Variants in GLCCI1 observed in about 807,000 individuals in gnomAD.
GLCCI1 encodes the protein glucocorticoid-induced transcript 1 protein.
A neutral mutation model predicts 52.2 loss-of-function variants in GLCCI1; 24 were observed. The ratio of observed to expected loss-of-function variants is 0.46; its 90% CI spans 0.33 to 0.65. The LOEUF is 0.65. Among genes scored for constraint, GLCCI1 ranks in the 30% least tolerant of loss-of-function variants. The pLI is 0.02. For synonymous variants in GLCCI1, 310 were observed against 276.5 expected (o/e 1.12, Z -1.20); for missense variants, 704 against 701.5 (o/e 1.00, Z -0.04).
intron 1 of GLCCI1, among the ~76,000 whole-genome samples, chr7:7,971,283 C>T (rs1199942921): frequency 6.6e-6 from 1 of 152,206 alleles, no homozygotes; most frequent in Non-Finnish European, 1.5e-5. Flanking sequence ...CTAATAATGA[C>T]CACAACTGAA....
intron 2 of GLCCI1, chr7:8,004,300 A>G (rs1781104721): frequency 3.2e-6 from 1 of 315,572 alleles, no homozygotes; most frequent in Middle Eastern, 9.2e-4. Flanking sequence ...ATGGTTGTAG[A>G]CACGTTGTAA....
chr7:8,049,143 C>G (rs967931579), intron 3 of GLCCI1, among the ~76,000 whole-genome samples: 1 of 152,016 alleles, frequency 6.6e-6, no homozygotes, highest in South Asian at 2.1e-4. Flanking sequence ...TTAGATGGAA[C>G]CATCTGAAGG....
intron 1 of GLCCI1, among the ~76,000 whole-genome samples, chr7:7,998,802 A>C (rs140591895): frequency 9.2e-5 from 14 of 152,288 alleles, no homozygotes; most frequent in Non-Finnish European, 1.3e-4. Flanking sequence ...ATTTCAAAGA[A>C]TTGGTTGACT....
chr7:8,020,193 T>A (rs1416648107), intron 2 of GLCCI1, among the ~76,000 whole-genome samples: 1 of 152,164 alleles, frequency 6.6e-6, no homozygotes, highest in Non-Finnish European at 1.5e-5. Flanking sequence ...GACTTTTTTT[T>A]AAAGCTAAGA....
In GLCCI1 at chr7:8,004,062, A is replaced by G; in HGVS notation, c.609+3A>G. On this transcript the variant is annotated splice_donor_region_variant and intron_variant, in intron 2 of 7. Coordinates refer to ENST00000223145, the MANE Select transcript of GLCCI1 (RefSeq NM_138426.4). The stretch of plus-strand genomic sequence containing the variant: ...GCATGAAAGACAAAGCTACTCAGGT[A>G]AAATCAGGAAATCAAAATCAGCTTA... The G allele has an allele frequency of 6.2e-7, 1 of 1,611,482 alleles. No homozygotes were observed. The highest frequency in any genetic ancestry group is 8.5e-7 in the Non-Finnish European group (1 of 1,178,606).
chr7:8,039,141 C>T (rs1316410658), intron 3 of GLCCI1, among the ~76,000 whole-genome samples: 1 of 152,082 alleles, frequency 6.6e-6, no homozygotes, highest in Non-Finnish European at 1.5e-5. Context: ...AATGCTTATA[C>T]ACCATTAGTG....
chr7:8,033,704 A>G (rs1255374363), intron 3 of GLCCI1, among the ~76,000 whole-genome samples: 1 of 152,146 alleles, frequency 6.6e-6, no homozygotes, highest in Non-Finnish European at 1.5e-5. Flanking sequence ...GAATTTATAC[A>G]CTGAAAATAT....
At chr7:8,046,922 G>C (rs1782141827) in intron 3 of GLCCI1, among the ~76,000 whole-genome samples, 1 of 152,064 alleles carries the variant, frequency 6.6e-6, no homozygotes, top group Non-Finnish European at 1.5e-5. Context: ...AATTTCCCAA[G>C]GTTGAAAATT....
intron 2 of GLCCI1, among the ~76,000 whole-genome samples, chr7:8,018,014 CCTATT>C (rs1379127607): frequency 6.6e-6 from 1 of 152,060 alleles, no homozygotes; most frequent in Non-Finnish European, 1.5e-5. Flanking sequence ...TTTGTCATTA[CCTATT>C]CTAAACTTTT....
rs116609401 is a variant in GLCCI1 at position 7,977,409 on chromosome 7, A to G, written c.457+7602A>G. 8.7e-3 allele frequency among the ~76,000 whole-genome samples: 1,327 copies of G among 152,292 alleles called. 20 individuals are homozygous for G. The highest frequency in any genetic ancestry group is 0.03 in the African/African-American group (1,242 of 41,560). ...GGTGGAGCAAAGCATGTTTGACTGA[A>G]CTGGTCCTTGATAGTATAACCGGGC... On this transcript the variant is annotated intron_variant, in intron 1 of 7. Coordinates refer to ENST00000223145, the MANE Select transcript of GLCCI1 (RefSeq NM_138426.4).
At chr7:7,980,765 A>T (rs1435732573) in intron 1 of GLCCI1, 3 of 690,524 alleles carry the variant, frequency 4.3e-6, no homozygotes, top group Non-Finnish European at 7.9e-6. Context: ...GGTACCATAC[A>T]GTATTTGGTG....
intron 3 of GLCCI1, among the ~76,000 whole-genome samples, chr7:8,036,336 C>T (rs1781867730): frequency 1.3e-5 from 2 of 152,136 alleles, no homozygotes. Flanking sequence ...CAGTGGAAAG[C>T]ACCCAGAATA....
At chr7:8,000,924 A>G (rs1006397669) in intron 1 of GLCCI1, among the ~76,000 whole-genome samples, 2 of 152,048 alleles carry the variant, frequency 1.3e-5, no homozygotes, top group Admixed American at 1.3e-4. Flanking sequence ...TTTTGAGCCT[A>G]TGTGTGTCTC....
In GLCCI1 at chr7:8,086,091, C is replaced by G. The variant is rs192046031; in HGVS notation, c.1299-102C>G. 41 of 973,012 alleles carry G rather than the reference C, an allele frequency of 4.2e-5. No individual in the cohort carries two copies. Among genetic ancestry groups the G allele is most frequent in the Admixed American group, 9.1e-5 (4 of 43,806 alleles). 60.3% of individuals were successfully genotyped at this position (973,012 alleles called of 1,614,324 possible). A position where few individuals can be genotyped will look rare whatever the true frequency, so the allele number is the denominator to read the frequency against. On this transcript the variant is annotated intron_variant, in intron 7 of 7. Transcript: ENST00000223145. The surrounding 1 kb of genome is among the most constrained non-coding windows in gnomAD (Gnocchi z 4.4). ...TGTATACACTTAACCCATCTCCTGCCATTTACATTTTAGCTGTTTTAGAGA... is the reference window on the plus strand; with the variant it reads ...TGTATACACTTAACCCATCTCCTGCGATTTACATTTTAGCTGTTTTAGAGA...
At chr7:7,989,226 G>T (rs1780794020) in intron 1 of GLCCI1, among the ~76,000 whole-genome samples, 1 of 152,104 alleles carries the variant, frequency 6.6e-6, no homozygotes, top group Non-Finnish European at 1.5e-5. Flanking sequence ...TTTAGAGTTT[G>T]AAGAAGGTAG....
At position 8,087,513 on chromosome 7, in the gene GLCCI1, A is replaced by G. The variant is rs1005609638; in HGVS notation, c.*975A>G. The G allele has an allele frequency of 2.6e-5, 4 of 152,780 alleles. No homozygotes were observed. Among genetic ancestry groups the G allele is most frequent in the Admixed American group, 2.6e-4 (4 of 15,304 alleles). The allele number at this position is 152,780 out of a possible 1,614,324, so 9.5% of individuals were successfully genotyped here. A position where few individuals can be genotyped will look rare whatever the true frequency, so the allele number is the denominator to read the frequency against. ...AATTTCAAAATAAGTGAAGTGTTTGACGGAATGGTTGAGATTTTTTTGTTT... is the reference window on the plus strand; with the variant it reads ...AATTTCAAAATAAGTGAAGTGTTTGGCGGAATGGTTGAGATTTTTTTGTTT... On this transcript the variant is annotated 3_prime_UTR_variant, in exon 8 of 8. Transcript: ENST00000223145.
At chr7:8,055,751 A>C (rs1782377264) in intron 4 of GLCCI1, 1 of 372,228 alleles carries the variant, frequency 2.7e-6, no homozygotes, top group Non-Finnish European at 5.0e-6. Context: ...GCACTTTGGG[A>C]GGCCGAGGCG....
Position 8,085,103 on chromosome 7 carries a change from C to A in GLCCI1, c.1298+86C>A, listed in dbSNP as rs540319403. On this transcript the variant is annotated intron_variant, in intron 7 of 7. Transcript: ENST00000223145. ...CAGTTGATTACATATGAATCAACTA[C>A]TCTATCCAGCTGATAATGTGTTTCA... 12 of 1,417,322 alleles carry A rather than the reference C, an allele frequency of 8.5e-6. No individual in the cohort carries two copies. In the East Asian group the frequency reaches 2.5e-4, roughly 30 times the overall value. 87.8% of individuals were successfully genotyped at this position (1,417,322 alleles called of 1,614,324 possible).
chr7:8,048,122 G>C (rs1782176342), intron 3 of GLCCI1, among the ~76,000 whole-genome samples: 1 of 152,162 alleles, frequency 6.6e-6, no homozygotes, highest in African/African-American at 2.4e-5. Flanking sequence ...TGTCATAAGA[G>C]AGTTTTACTT....
Sources: gnomAD v4.1 joint callset for allele counts (sites outside exome capture counted in the v4.1 genomes callset) on GRCh38, gnomAD v4.1.1 for gene constraint, Gnocchi (gnomAD v3.1) non-coding constraint, MANE v1.5 for transcripts, NCBI Gene and HGNC (gene_info 2026-07-23, HGNC 2026-07-21) for gene names.